The following RDX variants were observed in gnomAD, a reference collection of about 807,000 sequenced individuals.
RDX encodes the protein deafness, autosomal recessive 24.
RDX carries 32 observed loss-of-function variants against 83.7 expected under a neutral mutation model. The ratio of observed to expected loss-of-function variants is 0.38; its 90% confidence interval spans 0.29 to 0.51. The LOEUF (loss-of-function observed/expected upper bound fraction) is 0.51, where lower values mean the gene tolerates loss of function less well. RDX is among the 20% of genes least tolerant of loss of function. The probability of loss-of-function intolerance (pLI) is 0.87; values close to 1 mark genes in which losing one functional copy is unlikely to be tolerated. For synonymous variants in RDX, 229 were observed against 222.7 expected, an observed-to-expected ratio of 1.03 and a Z score of -0.25; for missense variants, 600 against 689.9, an observed-to-expected ratio of 0.87 and a Z score of 1.46.
intron 14 of RDX, among the ~76,000 whole-genome samples, chr11:110,217,838 C>T (rs1461649226): frequency 6.8e-6 from 1 of 147,294 alleles, no homozygotes; most frequent in Non-Finnish European, 1.5e-5. Context: ...TTGGTCACTA[C>T]CTAGCTCTGA....
intron 15 of RDX, among the ~76,000 whole-genome samples, chr11:110,175,433 T>G (rs1407828552): frequency 6.6e-6 from 1 of 152,218 alleles, no homozygotes; most frequent in Non-Finnish European, 1.5e-5. Context: ...ACCATGAGAT[T>G]AAAAATAGGA....
chr11:110,263,840 C>T, intron 5 of RDX, 120 bp downstream of exon 5: 1 of 853,784 alleles, frequency 1.2e-6, no homozygotes, highest in Non-Finnish European at 1.8e-6. Context: ...TGCACTCCAG[C>T]ATGGGTGACA....
intron 2 of RDX, among the ~76,000 whole-genome samples, chr11:110,275,511 C>A (rs139244560): frequency 6.6e-6 from 1 of 152,104 alleles, no homozygotes; most frequent in Non-Finnish European, 1.5e-5. Flanking sequence ...AAAACTAGTA[C>A]AATACGTTTA....
rs114730944 is a variant in RDX at position 110,193,355 on chromosome 11, G to C, written c.*31+6226C>G. On this transcript the variant is annotated intron_variant, in intron 15 of 15. Coordinates refer to the RDX transcript ENST00000528498. ...CATTAAGATGGGAACAACAGACACT[G>C]GGGACCACTAGAGACGGGAGAGAGG... Among the ~76,000 whole-genome samples, 1,372 of 152,220 alleles carry C rather than the reference G, an allele frequency of 9.0e-3. 23 individuals are homozygous for C. Among genetic ancestry groups the C allele is most frequent in the African/African-American group, 0.03 (1,234 of 41,504 alleles).
chr11:110,215,053 T>C (rs28410674), intron 14 of RDX, among the ~76,000 whole-genome samples: 1 of 107,872 alleles, frequency 9.3e-6, no homozygotes, highest in East Asian at 2.7e-4. Flanking sequence ...AAAAAAAATA[T>C]ATATATATAT....
At chr11:110,290,452 C>T (rs1448870104) in intron 1 of RDX, among the ~76,000 whole-genome samples, 1 of 151,092 alleles carries the variant, frequency 6.6e-6, no homozygotes, top group African/African-American at 2.4e-5. Context: ...GTCAAGGTCA[C>T]AGTGAGCTAT....
chr11:110,242,109 T>C (rs11213324), intron 10 of RDX, among the ~76,000 whole-genome samples: 73,893 of 151,944 alleles, frequency 0.49, 18,901 homozygotes, highest in African/African-American at 0.65. Flanking sequence ...TGGTGATGGC[T>C]GCACAACATT....
At chr11:110,209,377 G>C (rs944544719) in intron 14 of RDX, among the ~76,000 whole-genome samples, 1 of 151,650 alleles carries the variant, frequency 6.6e-6, no homozygotes, top group Non-Finnish European at 1.5e-5. Flanking sequence ...ATAGCAGTCT[G>C]AGATCAAACT....
chr11:110,268,744 T>C lies in RDX; in HGVS notation c.96+3792A>G, dbSNP rs543775583. Among the ~76,000 whole-genome samples the C allele has an allele frequency of 3.9e-4, 59 of 152,122 alleles. 1 individual carries two copies. Among genetic ancestry groups the C allele is most frequent in the South Asian group, 3.3e-3 (16 of 4,814 alleles). On this transcript the variant is annotated intron_variant, in intron 3 of 13. Coordinates refer to ENST00000645495, the MANE Select transcript of RDX (RefSeq NM_002906.4). ...AGGCCCTGTCTCCCCAGTGGTTCTC[T>C]ACTTCTTCAGAAGGTGCTCCTAGAA...
At chr11:110,235,241 G>A (rs1864797205) in intron 12 of RDX, among the ~76,000 whole-genome samples, 1 of 152,150 alleles carries the variant, frequency 6.6e-6, no homozygotes, top group Admixed American at 6.5e-5. Context: ...TGCAGAGGCT[G>A]AGGTGGGAGG....
At chr11:110,183,281 A>G (rs1276705521) in intron 15 of RDX, among the ~76,000 whole-genome samples, 1 of 152,180 alleles carries the variant, frequency 6.6e-6, no homozygotes, top group African/African-American at 2.4e-5. Context: ...CCAGGTGAGA[A>G]GCTCTACTTG....
chr11:110,288,081 G>A (rs1861058159), intron 1 of RDX, among the ~76,000 whole-genome samples: 1 of 152,200 alleles, frequency 6.6e-6, no homozygotes, highest in Non-Finnish European at 1.5e-5. Flanking sequence ...TGGATTTCCT[G>A]TAAGGGTGAG....
At chr11:110,197,228 T>A (rs1027560559) in intron 15 of RDX, among the ~76,000 whole-genome samples, 3 of 150,958 alleles carry the variant, frequency 2.0e-5, no homozygotes, top group African/African-American at 5.0e-5. Flanking sequence ...TCACGTTTAA[T>A]TCCTTAATGT....
intron 1 of RDX, among the ~76,000 whole-genome samples, chr11:110,289,384 C>A (rs920589681): frequency 6.6e-6 from 1 of 151,986 alleles, no homozygotes; most frequent in Admixed American, 6.6e-5. Flanking sequence ...TTAATGATAA[C>A]TGTAATTACC....
intron 1 of RDX, among the ~76,000 whole-genome samples, chr11:110,289,979 A>AAAAAAAAAACAAAC (rs1555049799): frequency 6.9e-6 from 1 of 144,620 alleles, no homozygotes; most frequent in African/African-American, 2.7e-5. Flanking sequence ...AAAAAAAAAA[A>AAAAAAAAAACAAAC]AAACAAGGGT....
chr11:110,210,672 G>A (rs1863800245), intron 14 of RDX, among the ~76,000 whole-genome samples: 1 of 151,002 alleles, frequency 6.6e-6, no homozygotes, highest in Non-Finnish European at 1.5e-5. Context: ...AGAAGAGAGT[G>A]GGGGCCAATA....
intron 10 of RDX, among the ~76,000 whole-genome samples, chr11:110,244,786 G>C (rs1237710972): frequency 6.6e-6 from 1 of 152,016 alleles, no homozygotes; most frequent in Non-Finnish European, 1.5e-5. Context: ...CTATATGATG[G>C]TATAAGTCAG....
intron 10 of RDX, among the ~76,000 whole-genome samples, chr11:110,240,188 A>G (rs1366916181): frequency 6.6e-6 from 1 of 152,236 alleles, no homozygotes; most frequent in African/African-American, 2.4e-5. Context: ...TACATACACT[A>G]TGGAATATTA....
At chr11:110,260,586 C>T (rs1565320623) in intron 5 of RDX, among the ~76,000 whole-genome samples, 1 of 152,130 alleles carries the variant, frequency 6.6e-6, no homozygotes, top group Non-Finnish European at 1.5e-5. Flanking sequence ...GGATTACAAG[C>T]ATGTGCCACC....
Sources: gnomAD v4.1 joint callset for allele counts (sites outside exome capture counted in the v4.1 genomes callset) on GRCh38, gnomAD v4.1.1 for gene constraint, MANE v1.5 for transcripts, NCBI Gene and HGNC (gene_info 2026-07-23, HGNC 2026-07-21) for gene names.